DISC1: variants seen among roughly 807,000 people sequenced by gnomAD.
The protein encoded by DISC1 is disrupted in schizophrenia 1 protein.
A neutral mutation model predicts 84.5 loss-of-function variants in DISC1; 57 were observed. The observed-to-expected ratio is 0.67, with a 90% CI of 0.55 to 0.84. DISC1 has a LOEUF of 0.84. DISC1 is among the 40% of genes least tolerant of loss of function. The pLI, the probability that DISC1 is intolerant of heterozygous loss-of-function variation, is 0.00. For synonymous variants in DISC1, 411 were observed against 415.2 expected (o/e 0.99, Z 0.12); for missense variants, 1,000 against 1,057.8 (o/e 0.95, Z 0.76).
intron 9 of DISC1, among the ~76,000 whole-genome samples, chr1:231,943,076 T>A (rs888562315): frequency 6.6e-6 from 1 of 152,260 alleles, no homozygotes; most frequent in Non-Finnish European, 1.5e-5. Flanking sequence ...GGGGCCGTGA[T>A]ACAGCCCAAG....
At chr1:231,700,366 A>G (rs954002984) in intron 2 of DISC1, among the ~76,000 whole-genome samples, 8 of 152,136 alleles carry the variant, frequency 5.3e-5, no homozygotes, top group African/African-American at 1.4e-4. Context: ...TCTGTTTTTT[A>G]TGATGTTTTT....
At chr1:231,785,594 G>A (rs2077792281) in intron 6 of DISC1, among the ~76,000 whole-genome samples, 2 of 152,054 alleles carry the variant, frequency 1.3e-5, no homozygotes, top group African/African-American at 4.8e-5. Flanking sequence ...ATACCTGGCT[G>A]TGTGAGTGTG....
chr1:231,885,955 T>C (rs2086651467), intron 9 of DISC1, among the ~76,000 whole-genome samples: 1 of 152,222 alleles, frequency 6.6e-6, no homozygotes, highest in African/African-American at 2.4e-5. Flanking sequence ...TTCCTCATCA[T>C]TCTGGAGACT....
At chr1:232,021,584 A>T (rs1176601000) in intron 11 of DISC1, among the ~76,000 whole-genome samples, 1 of 152,180 alleles carries the variant, frequency 6.6e-6, no homozygotes, top group Non-Finnish European at 1.5e-5. Flanking sequence ...TCAAAAATCT[A>T]GTCAGTCAAC....
chr1:231,929,656 C>T (rs2090541363), intron 9 of DISC1, among the ~76,000 whole-genome samples: 1 of 152,188 alleles, frequency 6.6e-6, no homozygotes, highest in Non-Finnish European at 1.5e-5. Flanking sequence ...ATGATTTTTG[C>T]AGACTGTTCT....
chr1:231,769,022 G>A (rs770278927), intron 5 of DISC1, among the ~76,000 whole-genome samples: 1 of 152,166 alleles, frequency 6.6e-6, no homozygotes, highest in African/African-American at 2.4e-5. Flanking sequence ...GTGTAAATGA[G>A]GGGGAGGATT....
At chr1:231,649,225 T>C (rs886663807) in intron 1 of DISC1, among the ~76,000 whole-genome samples, 2 of 152,246 alleles carry the variant, frequency 1.3e-5, no homozygotes, top group African/African-American at 2.4e-5. Flanking sequence ...CACACTGCTT[T>C]AAATGTGTCC....
chr1:231,863,220 CTTTTTTTTTTTT>C (rs533463099), intron 9 of DISC1, among the ~76,000 whole-genome samples: 10 of 54,756 alleles, frequency 1.8e-4, no homozygotes, highest in East Asian at 1.3e-3. Context: ...ATAAAATGTT[CTTTTTTTTTTTT>C]TTTTTTTTTT....
chr1:231,932,237 C>T (rs1179051599), intron 9 of DISC1, among the ~76,000 whole-genome samples: 1 of 152,086 alleles, frequency 6.6e-6, no homozygotes, highest in Non-Finnish European at 1.5e-5. Context: ...ATCAGCACCA[C>T]CTGATTTAGT....
chr1:232,011,300 G>A (rs906777285), intron 11 of DISC1, among the ~76,000 whole-genome samples: 2 of 152,138 alleles, frequency 1.3e-5, no homozygotes, highest in Non-Finnish European at 2.9e-5. Flanking sequence ...GCTGCTGTTT[G>A]GGTGCTCCAG....
At chr1:231,853,207 A>G (rs573561927) in intron 9 of DISC1, among the ~76,000 whole-genome samples, 54 of 152,348 alleles carry the variant, frequency 3.5e-4, no homozygotes, top group African/African-American at 1.3e-3. Flanking sequence ...TTAAAAAAGG[A>G]CTGAAGAGAA....
At chr1:232,033,302 G>C (rs1340786443) in intron 12 of DISC1, among the ~76,000 whole-genome samples, 1 of 152,130 alleles carries the variant, frequency 6.6e-6, no homozygotes, top group Non-Finnish European at 1.5e-5. Context: ...GGTTGTATCT[G>C]CAAAACACAT....
chr1:231,864,420 T>C (rs1356254257), intron 9 of DISC1, among the ~76,000 whole-genome samples: 1 of 152,050 alleles, frequency 6.6e-6, no homozygotes, highest in African/African-American at 2.4e-5. Context: ...TCCCAGCACT[T>C]TGGGAGGCCG....
rs145269179 is a variant in DISC1 at position 231,821,427 on chromosome 1, C to T, written c.1981+2910C>T. 2.1e-4 allele frequency among the ~76,000 whole-genome samples: 32 copies of T among 152,174 alleles called. 1 individual carries two copies. The East Asian group carries it at 3.3e-3, about 16-fold the overall frequency. ...GGCAAAGGGAGACAGACCTCATCAC[C>T]GAATCCATTGGCTTTTGTTGCCAAG... On this transcript the variant is annotated intron_variant, in intron 9 of 12. Transcript: ENST00000439617.
chr1:231,875,008 A>G (rs1236372945), intron 9 of DISC1, among the ~76,000 whole-genome samples: 7 of 152,096 alleles, frequency 4.6e-5, no homozygotes, highest in Non-Finnish European at 8.8e-5. Flanking sequence ...GGGTGGAGAC[A>G]TCGTAAGCCC....
intron 6 of DISC1, among the ~76,000 whole-genome samples, chr1:231,785,400 C>G (rs1413576014): frequency 1.3e-5 from 2 of 151,890 alleles, no homozygotes; most frequent in African/African-American, 4.8e-5. Context: ...CCACCTCAGC[C>G]TCTCGAGTAG....
chr1:231,724,044 C>T lies in DISC1; in HGVS notation c.1117+22020C>T. On this transcript the variant is annotated intron_variant, in intron 3 of 12. Transcript: ENST00000439617. ...ATATTGTATTTGTTCTATTCTAGTT[C>T]ATTAAAAGTGAATGTTGGTCTTCAT... 3.1e-6 allele frequency: 3 copies of T among 983,352 alleles called. No individual in the cohort carries two copies. In the South Asian group the frequency reaches 1.4e-4, roughly 46 times the overall value. 60.9% of individuals were successfully genotyped at this position (983,352 alleles called of 1,614,324 possible). A position where few individuals can be genotyped will look rare whatever the true frequency, so the allele number is the denominator to read the frequency against.
intron 3 of DISC1, among the ~76,000 whole-genome samples, chr1:231,748,446 G>T (rs964677883): frequency 3.3e-5 from 5 of 152,246 alleles, no homozygotes; most frequent in African/African-American, 1.2e-4. Flanking sequence ...TTTTTATTAT[G>T]AAGGGATGTT....
intron 10 of DISC1, among the ~76,000 whole-genome samples, chr1:231,992,531 T>A (rs1351767505): frequency 6.6e-6 from 1 of 152,238 alleles, no homozygotes; most frequent in Non-Finnish European, 1.5e-5. Context: ...AATTTTTCAC[T>A]GTTTTTCACT....
Sources: allele counts gnomAD v4.1 joint callset (sites outside exome capture counted in the v4.1 genomes callset), GRCh38; gene constraint gnomAD v4.1.1; transcripts MANE v1.5; gene names NCBI Gene and HGNC (gene_info 2026-07-23, HGNC 2026-07-21).